The following EIF3E variants were observed in gnomAD, a reference collection of about 807,000 sequenced individuals.
The protein encoded by EIF3E is eIF-3 p48.
EIF3E carries 25 observed loss-of-function variants against 59.3 expected under a neutral mutation model. The ratio of observed to expected loss-of-function variants is 0.42; its 90% confidence interval spans 0.31 to 0.59. The LOEUF (loss-of-function observed/expected upper bound fraction) is 0.59. Ranked by LOEUF, EIF3E falls within the 20% of genes least tolerant of loss-of-function variation. The pLI, the probability that EIF3E is intolerant of heterozygous loss-of-function variation, is 0.15. For missense variants in EIF3E, 317 were observed against 534.3 expected (o/e 0.59, Z 4.01); for synonymous variants, 176 against 170.2 (o/e 1.03, Z -0.26).
intron 10 of EIF3E, among the ~76,000 whole-genome samples, chr8:108,210,384 C>T (rs558611149): frequency 1.3e-5 from 2 of 152,206 alleles, no homozygotes; most frequent in Non-Finnish European, 2.9e-5. Context: ...AAGCTAAATT[C>T]TTGTTATTTT....
In EIF3E at chr8:108,216,425, C is replaced by T. The variant is rs1201002639; in HGVS notation, c.938G>A (p.Arg313Lys). ...ATTCACACTTACTGATTCACATTCC[C>T]TCAGCTTTTTCTGAGCCCCATCAAA... ...FDFDGAQKKLRECESVLVNDF... is the reference protein window; with the variant it reads ...FDFDGAQKKLKECESVLVNDF... The change falls in exon 9 of 13, where the codon AGG becomes AAG. Residue 313 changes from arginine to lysine, a missense_variant. By Grantham distance (26) the Arg-to-Lys change is conservative (BLOSUM62 2). This residue lies in a region of EIF3E where 242 missense variants were observed against 398.0 expected (regional missense o/e 0.61). Coordinates refer to ENST00000220849, the MANE Select transcript of EIF3E (RefSeq NM_001568.3). The T allele has an allele frequency of 1.2e-6, 2 of 1,606,312 alleles. No individual in the cohort carries two copies. The highest frequency in any genetic ancestry group is 4.5e-5 in the East Asian group (2 of 44,524).
intron 10 of EIF3E, among the ~76,000 whole-genome samples, chr8:108,210,340 G>A (rs1479385851): frequency 2.0e-5 from 3 of 152,092 alleles, no homozygotes; most frequent in Non-Finnish European, 2.9e-5. Flanking sequence ...TGATTCAGAA[G>A]GCCTGGGATA....
intron 8 of EIF3E, 147 bp downstream of exon 8, chr8:108,217,187 G>T (rs1375229919): frequency 1.7e-6 from 1 of 604,292 alleles, no homozygotes; most frequent in African/African-American, 1.9e-5. Flanking sequence ...CCATTTGAGG[G>T]TCTTCTCTTT....
intron 1 of EIF3E, among the ~76,000 whole-genome samples, chr8:108,243,638 GAAAAA>G (rs779684560): frequency 2.8e-5 from 2 of 70,976 alleles, no homozygotes; most frequent in African/African-American, 4.7e-5. Context: ...CAAAAAAAAA[GAAAAA>G]AAAAAAAAAA....
chr8:108,230,276 T>C (rs1358051154), intron 5 of EIF3E, among the ~76,000 whole-genome samples: 1 of 152,168 alleles, frequency 6.6e-6, no homozygotes, highest in African/African-American at 2.4e-5. Flanking sequence ...TAGTTTGTAC[T>C]TTAGCTTCCT....
intron 8 of EIF3E, among the ~76,000 whole-genome samples, chr8:108,216,968 G>A (rs1815316535): frequency 6.6e-6 from 1 of 152,124 alleles, no homozygotes; most frequent in Non-Finnish European, 1.5e-5. Flanking sequence ...CCAACTTGGG[G>A]TCTATTGAAA....
chr8:108,213,431 A>C (rs1206006276), intron 10 of EIF3E, among the ~76,000 whole-genome samples: 1 of 152,198 alleles, frequency 6.6e-6, no homozygotes, highest in Admixed American at 6.5e-5. Flanking sequence ...AAGATGCAAA[A>C]AAAAGGGTCA....
At chr8:108,217,967 T>C (rs1221267399) in intron 7 of EIF3E, among the ~76,000 whole-genome samples, 1 of 152,188 alleles carries the variant, frequency 6.6e-6, no homozygotes, top group Non-Finnish European at 1.5e-5. Context: ...CAGTAGGAAT[T>C]AGGAAGGAAT....
chr8:108,206,468 T>C (rs1429784954), intron 10 of EIF3E, among the ~76,000 whole-genome samples: 3 of 152,166 alleles, frequency 2.0e-5, no homozygotes, highest in East Asian at 3.8e-4. Flanking sequence ...TTTAAGACCA[T>C]AGAGTGAAAA....
At chr8:108,237,553 C>T (rs73306571) in intron 3 of EIF3E, among the ~76,000 whole-genome samples, 3,183 of 152,232 alleles carry the variant, frequency 0.021, 126 homozygotes, top group African/African-American at 0.072. Context: ...CACCTGACTG[C>T]ATTTTCCAAA....
At chr8:108,203,347 C>T in intron 11 of EIF3E, 54 bp downstream of exon 11, 1 of 1,509,826 alleles carries the variant, frequency 6.6e-7, no homozygotes, top group Admixed American at 1.9e-5. Flanking sequence ...TTAAGAATTC[C>T]CAAAAGTATA....
At chr8:108,236,342 A>G in intron 3 of EIF3E, 139 bp from the exon 4 acceptor site, 1 of 609,282 alleles carries the variant, frequency 1.6e-6, no homozygotes, top group Non-Finnish European at 2.9e-6. Flanking sequence ...AGAATAAAAT[A>G]AGCAGGACAT....
At chr8:108,241,708 T>C (rs2129924962) in intron 2 of EIF3E, 91 bp downstream of exon 2, 1 of 673,884 alleles carries the variant, frequency 1.5e-6, no homozygotes, top group South Asian at 3.2e-5. Flanking sequence ...TATTTAAGCC[T>C]TTTGGCTAAA....
chr8:108,217,508 A>G (rs1457124361), intron 7 of EIF3E, 48 bp from the exon 8 acceptor site: 1 of 1,505,080 alleles, frequency 6.6e-7, no homozygotes, highest in South Asian at 1.2e-5. Flanking sequence ...AGGGTGAGAT[A>G]AAGAAAACTC....
chr8:108,245,264 G>C (rs895468865), intron 1 of EIF3E, among the ~76,000 whole-genome samples: 15 of 152,038 alleles, frequency 9.9e-5, no homozygotes, highest in African/African-American at 3.6e-4. Flanking sequence ...TCAGGAGTTT[G>C]AGACCAGCCT....
intron 7 of EIF3E, among the ~76,000 whole-genome samples, chr8:108,222,749 TTATTA>T (rs1238373055): frequency 6.6e-6 from 1 of 152,254 alleles, no homozygotes; most frequent in East Asian, 1.9e-4. Flanking sequence ...CTTGTATTAC[TTATTA>T]TGTTACTCGT....
rs562052683 is a variant in EIF3E, at chr8:108,219,221, C to A, written c.723-1761G>T. Among the ~76,000 whole-genome samples the A allele has an allele frequency of 2.0e-5, 3 of 152,238 alleles. No individual in the cohort carries two copies. In the South Asian group the frequency reaches 6.2e-4, roughly 32 times the overall value. ...TATTTTTACTTATCCTGAGTTTATA[C>A]CATTGCTCCATATACATCTTAATTA... On this transcript the variant is annotated intron_variant, in intron 7 of 12. Coordinates refer to ENST00000220849, the MANE Select transcript of EIF3E (RefSeq NM_001568.3).
chr8:108,233,035 A>G (rs1815653317), intron 5 of EIF3E, among the ~76,000 whole-genome samples: 1 of 152,222 alleles, frequency 6.6e-6, no homozygotes. Context: ...ACATTTCCAA[A>G]GTAATCAACT....
chr8:108,244,697 T>C (rs1418277179), intron 1 of EIF3E, among the ~76,000 whole-genome samples: 1 of 152,118 alleles, frequency 6.6e-6, no homozygotes, highest in East Asian at 1.9e-4. Flanking sequence ...CTGCCTTAGT[T>C]TGGATATCAT....
Sources: gnomAD v4.1 joint callset for allele counts (sites outside exome capture counted in the v4.1 genomes callset) on GRCh38, gnomAD v4.1.1 for gene constraint, gnomAD v4.1.1 regional missense constraint, MANE v1.5 for transcripts, NCBI Gene and HGNC (gene_info 2026-07-23, HGNC 2026-07-21) for gene names.